The following SETBP1 variants were observed in gnomAD, a reference collection of about 807,000 sequenced individuals.
SETBP1 encodes SET-binding protein.
In SETBP1, 9 loss-of-function variants were observed where a neutral mutation model predicts 101.0. That is an observed-to-expected ratio of 0.09 (90% CI 0.05 to 0.16). The LOEUF is 0.16. Among genes scored for constraint, SETBP1 ranks in the 10% least tolerant of loss-of-function variants. The pLI, the probability that SETBP1 is intolerant of heterozygous loss-of-function variation, is 1.00. For missense variants in SETBP1, 1,858 were observed against 2,033.8 expected (o/e 0.91, Z 1.66); for synonymous variants, 818 against 788.5 (o/e 1.04, Z -0.63).
rs1404714641 is a variant in SETBP1, at chr18:44,951,418, A to C, written c.2078A>C (p.Lys693Thr). The C allele has an allele frequency of 2.5e-6, 4 of 1,614,154 alleles. No homozygotes were observed. The highest frequency in any genetic ancestry group is 2.2e-5 in the South Asian group (2 of 91,082). Residue 693 changes from lysine (K) to threonine (T), a missense_variant, in exon 4 of 6, where the codon AAA becomes ACA. Physicochemically the swap from Lys to Thr is moderately conservative, Grantham distance 78. Transcript: ENST00000649279. This position sits in a 1 kb window ranked among gnomAD's most constrained non-coding sequence, Gnocchi z 7.8. ...SCSSSVALKA[K>T]APPETSPGAA... ...TCCAGCAGCGTTGCTCTGAAGGCAA[A>C]AGCTCCCCCAGAGACCAGCCCTGGG...
intron 2 of SETBP1, among the ~76,000 whole-genome samples, chr18:44,868,696 GAGGACGGAAGGAAGGGAGGAAGGA>G (rs1568190379): frequency 9.3e-6 from 1 of 107,274 alleles, no homozygotes; most frequent in African/African-American, 3.6e-5. Flanking sequence ...GAGAGAGAGA[GAGGACGGAAGGAAGGGAGGAAGGA>G]AGGAAGGAAG....
At chr18:45,024,280 T>A (rs933558253) in intron 4 of SETBP1, among the ~76,000 whole-genome samples, 1 of 152,232 alleles carries the variant, frequency 6.6e-6, no homozygotes, top group Admixed American at 6.5e-5. Context: ...AAGATGCCAG[T>A]TCAGAATCAA....
chr18:44,997,081 T>C (rs2145314909), intron 4 of SETBP1, among the ~76,000 whole-genome samples: 1 of 152,316 alleles, frequency 6.6e-6, no homozygotes, highest in Middle Eastern at 3.4e-3. Context: ...GGGAGAGTTT[T>C]GGACTAAGAG....
At chr18:44,843,017 A>T (rs1158990921) in intron 2 of SETBP1, among the ~76,000 whole-genome samples, 4 of 152,358 alleles carry the variant, frequency 2.6e-5, no homozygotes, top group Admixed American at 6.5e-5. Context: ...GGTCAACCAA[A>T]GAGACCGATA....
At chr18:44,851,733 G>A (rs1384277613) in intron 2 of SETBP1, among the ~76,000 whole-genome samples, 2 of 152,036 alleles carry the variant, frequency 1.3e-5, no homozygotes, top group African/African-American at 4.8e-5. Context: ...AATCCTTCAT[G>A]AGTCTAACAT....
In SETBP1 at chr18:44,982,847, G is replaced by A. The variant is rs148892909; in HGVS notation, c.4000+29507G>A. Among the ~76,000 whole-genome samples the A allele has an allele frequency of 4.3e-3, 649 of 152,242 alleles. 7 individuals are homozygous for A. The highest frequency in any genetic ancestry group is 0.015 in the African/African-American group (626 of 41,532). ...TGAGGAGTCATGGGTTTCAGTACTA[G>A]TTTGCTCTGCTAAACCCAGTCCCTG... is the stretch of plus-strand genomic sequence containing the variant. On this transcript the variant is annotated intron_variant, in intron 4 of 5. Transcript: ENST00000649279.
At chr18:44,918,193 C>G (rs1233428718) in intron 3 of SETBP1, among the ~76,000 whole-genome samples, 1 of 152,218 alleles carries the variant, frequency 6.6e-6, no homozygotes. Context: ...TCGGGACAGC[C>G]TGTTCCTCTG....
chr18:44,835,369 T>C (rs2072474694), intron 2 of SETBP1, among the ~76,000 whole-genome samples: 2 of 151,770 alleles, frequency 1.3e-5, no homozygotes. Flanking sequence ...GTCTCTCTAC[T>C]GTGTCCTCTT....
intron 2 of SETBP1, among the ~76,000 whole-genome samples, chr18:44,780,384 G>T (rs1310828104): frequency 1.3e-5 from 2 of 152,034 alleles, no homozygotes; most frequent in Non-Finnish European, 2.9e-5. Flanking sequence ...TTCATCCCTT[G>T]GGTACCTAAG....
intron 3 of SETBP1, among the ~76,000 whole-genome samples, chr18:44,886,977 T>A (rs1025233128): frequency 2.0e-5 from 3 of 152,056 alleles, no homozygotes; most frequent in African/African-American, 7.2e-5. Flanking sequence ...GCTGAATGAA[T>A]GAGTGAAGGA....
At chr18:44,955,207 C>G (rs988090576) in intron 4 of SETBP1, among the ~76,000 whole-genome samples, 3 of 152,192 alleles carry the variant, frequency 2.0e-5, no homozygotes, top group African/African-American at 2.4e-5. Flanking sequence ...TGTGTGCCCC[C>G]ACTCTAGTTA....
chr18:44,848,876 G>A (rs1568179061), intron 2 of SETBP1, among the ~76,000 whole-genome samples: 2 of 152,224 alleles, frequency 1.3e-5, no homozygotes, highest in South Asian at 2.1e-4. Flanking sequence ...GCTGGCTCTA[G>A]TCATATTGAA....
At chr18:44,954,331 A>T (rs2071435297) in intron 4 of SETBP1, among the ~76,000 whole-genome samples, 1 of 14,842 alleles carries the variant, frequency 6.7e-5, no homozygotes, top group Non-Finnish European at 2.2e-4. Flanking sequence ...GCAGAAGCTA[A>T]AAAAAAAAAA....
intron 5 of SETBP1, among the ~76,000 whole-genome samples, chr18:45,039,625 G>A (rs2073469676): frequency 6.6e-6 from 1 of 152,198 alleles, no homozygotes; most frequent in South Asian, 2.1e-4. Flanking sequence ...GCATGACAAT[G>A]TTACATACAT....
intron 1 of SETBP1, among the ~76,000 whole-genome samples, chr18:44,698,666 A>T (rs959863934): frequency 2.0e-5 from 3 of 152,078 alleles, no homozygotes; most frequent in Non-Finnish European, 4.4e-5. Flanking sequence ...CTAGCTACCT[A>T]CACCTTGCTC....
intron 1 of SETBP1, among the ~76,000 whole-genome samples, chr18:44,681,511 A>G (rs2068759198): frequency 6.6e-6 from 1 of 151,690 alleles, no homozygotes; most frequent in South Asian, 2.1e-4. Flanking sequence ...CTGCCGAAAT[A>G]CTGTCTTCCA....
At chr18:44,972,217 C>T (rs909160272) in intron 4 of SETBP1, among the ~76,000 whole-genome samples, 2 of 152,052 alleles carry the variant, frequency 1.3e-5, no homozygotes, top group Admixed American at 6.6e-5. Flanking sequence ...AGGGCTCTGT[C>T]CTGTTCCATT....
At chr18:44,930,671 G>A (rs942920982) in intron 3 of SETBP1, among the ~76,000 whole-genome samples, 14 of 152,166 alleles carry the variant, frequency 9.2e-5, no homozygotes, top group Non-Finnish European at 1.8e-4. Flanking sequence ...TTGGGAGGGT[G>A]TATGTGTCCA....
At chr18:45,039,540 T>TCAACTTCC (rs2073467646) in intron 5 of SETBP1, among the ~76,000 whole-genome samples, 1 of 152,222 alleles carries the variant, frequency 6.6e-6, no homozygotes. Flanking sequence ...CTGCAACTTC[T>TCAACTTCC]CCCATGTAAC....
Sources: gnomAD v4.1 joint callset for allele counts (sites outside exome capture counted in the v4.1 genomes callset) on GRCh38, gnomAD v4.1.1 for gene constraint, Gnocchi (gnomAD v3.1) non-coding constraint, MANE v1.5 for transcripts, NCBI Gene and HGNC (gene_info 2026-07-23, HGNC 2026-07-21) for gene names.